LOC128462377: variants seen among roughly 807,000 people sequenced by gnomAD.
At chr16:89,317,206 C>T in the LOC128462377 span, 2,493 of 725,900 alleles carry the variant, frequency 3.4e-3, 33 homozygotes, top group African/African-American at 0.035. Context: ...GGCTGGGGCC[C>T]GGGCCAGGCC....
At chr16:89,359,756 G>C in the LOC128462377 span, among the ~76,000 whole-genome samples, 2 of 152,172 alleles carry the variant, frequency 1.3e-5, no homozygotes, top group Non-Finnish European at 2.9e-5. Context: ...GCCAGCAGAA[G>C]ATGTTTGCAT....
At chr16:89,355,469 G>C in the LOC128462377 span, among the ~76,000 whole-genome samples, 1 of 152,158 alleles carries the variant, frequency 6.6e-6, no homozygotes, top group East Asian at 1.9e-4. Flanking sequence ...AGGCTGACAA[G>C]AATTCAAAGC....
the LOC128462377 span, among the ~76,000 whole-genome samples, chr16:89,381,939 G>A: frequency 7.1e-3 from 1,081 of 152,312 alleles, 10 homozygotes; most frequent in African/African-American, 0.025. Context: ...TCTCCACGGG[G>A]CTCAGACTGT....
At chr16:89,386,413 G>A in the LOC128462377 span, among the ~76,000 whole-genome samples, 3 of 152,052 alleles carry the variant, frequency 2.0e-5, no homozygotes, top group Non-Finnish European at 4.4e-5. Context: ...CTTTACCCAA[G>A]GAGACGCCAG....
the LOC128462377 span, among the ~76,000 whole-genome samples, chr16:89,395,432 C>A: frequency 6.6e-6 from 1 of 152,202 alleles, no homozygotes; most frequent in African/African-American, 2.4e-5. Context: ...AGAGAGGAGA[C>A]AGCGCTGGGA....
chr16:89,389,476 A>G, the LOC128462377 span, among the ~76,000 whole-genome samples: 8 of 152,224 alleles, frequency 5.3e-5, no homozygotes, highest in African/African-American at 1.9e-4. Context: ...AAATTAGTAG[A>G]TGGAGACATG....
chr16:89,389,983 C>T, the LOC128462377 span, among the ~76,000 whole-genome samples: 1 of 70,062 alleles, frequency 1.4e-5, no homozygotes, highest in African/African-American at 6.8e-5. Context: ...CCGAGTGTGG[C>T]GGGGAGCACC....
At chr16:89,394,632 A>G in the LOC128462377 span, among the ~76,000 whole-genome samples, 4 of 150,746 alleles carry the variant, frequency 2.7e-5, no homozygotes, top group African/African-American at 7.3e-5. Context: ...CTGTCTCCAA[A>G]AAAAAAAAAA....
At chr16:89,342,163 T>G in the LOC128462377 span, among the ~76,000 whole-genome samples, 3 of 152,256 alleles carry the variant, frequency 2.0e-5, no homozygotes, top group African/African-American at 7.2e-5. Flanking sequence ...TCTTGGCGTC[T>G]GGGCCTCAAA....
the LOC128462377 span, among the ~76,000 whole-genome samples, chr16:89,319,439 G>T: frequency 6.6e-6 from 1 of 152,212 alleles, no homozygotes; most frequent in Non-Finnish European, 1.5e-5. Context: ...AACACTCCGG[G>T]GACTCGGGAG....
the LOC128462377 span, among the ~76,000 whole-genome samples, chr16:89,349,134 TAAAAAAAAAAAA>T: frequency 0.014 from 236 of 16,604 alleles, 9 homozygotes; most frequent in African/African-American, 0.062. Flanking sequence ...TCTCAAAAAG[TAAAAAAAAAAAA>T]AAAAAAAAAA....
the LOC128462377 span, among the ~76,000 whole-genome samples, chr16:89,322,875 G>A: frequency 2.0e-5 from 3 of 152,356 alleles, no homozygotes; most frequent in Middle Eastern, 0.01. Flanking sequence ...GTTTGAGACA[G>A]CTGTGTTGCC....
chr16:89,370,321 G>A, the LOC128462377 span, among the ~76,000 whole-genome samples: 9 of 152,178 alleles, frequency 5.9e-5, no homozygotes, highest in Admixed American at 1.3e-4. Context: ...TTTCTGGAAG[G>A]AGCTGTGAGC....
chr16:89,397,706 G>A, the LOC128462377 span, among the ~76,000 whole-genome samples: 1 of 152,218 alleles, frequency 6.6e-6, no homozygotes, highest in Admixed American at 6.5e-5. Flanking sequence ...ACCCGGTACT[G>A]CTCTTGGAAT....
chr16:89,409,897 T>C, the LOC128462377 span, among the ~76,000 whole-genome samples: 2 of 152,148 alleles, frequency 1.3e-5, no homozygotes, highest in Non-Finnish European at 2.9e-5. Context: ...TGGAGTGTAG[T>C]GGCACAATCT....
At chr16:89,392,081 C>T in the LOC128462377 span, among the ~76,000 whole-genome samples, 1 of 152,100 alleles carries the variant, frequency 6.6e-6, no homozygotes, top group Admixed American at 6.6e-5. Flanking sequence ...GCTAGCCAAT[C>T]GGGACAAATA....
chr16:89,342,407 C>A, the LOC128462377 span, among the ~76,000 whole-genome samples: 4 of 152,194 alleles, frequency 2.6e-5, no homozygotes, highest in Non-Finnish European at 1.5e-5. Context: ...AGACAGCATT[C>A]GGTCCAGGAT....
the LOC128462377 span, chr16:89,324,825 T>A: frequency 3.5e-6 from 1 of 287,708 alleles, no homozygotes; most frequent in Non-Finnish European, 6.8e-6. Context: ...TCGGACTGGC[T>A]TCCTGGCTCC....
chr16:89,377,729 T>C, the LOC128462377 span, among the ~76,000 whole-genome samples: 23 of 152,124 alleles, frequency 1.5e-4, no homozygotes, highest in African/African-American at 4.3e-4. Context: ...GTCTGTGACA[T>C]GGGCACTGAA....
Sources: gnomAD v4.1 joint callset for allele counts (sites outside exome capture counted in the v4.1 genomes callset) on GRCh38, gnomAD v4.1.1 for gene constraint, MANE v1.5 for transcripts.